The following MED12L variants were observed in gnomAD, a reference collection of about 807,000 sequenced individuals.
MED12L encodes the protein mediator of RNA polymerase II transcription subunit 12-like protein.
Under a neutral mutation model 281.3 loss-of-function variants are expected in MED12L, and 60 were observed. The ratio of observed to expected loss-of-function variants is 0.21; its 90% confidence interval spans 0.17 to 0.26. MED12L has a LOEUF of 0.26. MED12L is among the 10% of genes least tolerant of loss of function. The pLI is 1.00. For missense variants in MED12L, 2,146 were observed against 2,680.9 expected (o/e 0.80, Z 4.41); for synonymous variants, 974 against 987.2 (o/e 0.99, Z 0.25).
intron 11 of MED12L, among the ~76,000 whole-genome samples, chr3:151,169,144 G>GTC (rs1238942817): frequency 7.3e-6 from 1 of 137,010 alleles, no homozygotes; most frequent in Non-Finnish European, 1.5e-5. Context: ...TTGAGACGGA[G>GTC]TCTCTGTCTG....
chr3:151,240,580 A>G lies in MED12L; in HGVS notation c.2250+46914A>G, dbSNP rs183695838. Reference sequence around the variant, plus strand: ...AAAACAAAACAAAAGGTGTAGCTCAAGATCATGGCAGATTCAAATCTAGTT... The same window carrying G: ...AAAACAAAACAAAAGGTGTAGCTCAGGATCATGGCAGATTCAAATCTAGTT... On this transcript the variant is annotated intron_variant, in intron 16 of 44. Coordinates refer to ENST00000687756, the MANE Select transcript of MED12L (RefSeq NM_001393769.1). Among the ~76,000 whole-genome samples the G allele has an allele frequency of 1.1e-4, 17 of 152,360 alleles. No individual in the cohort carries two copies. In the East Asian group the frequency reaches 3.1e-3, roughly 28 times the overall value.
At chr3:151,343,496 G>C (rs1227572093) in intron 16 of MED12L, among the ~76,000 whole-genome samples, 1 of 152,182 alleles carries the variant, frequency 6.6e-6, no homozygotes, top group Non-Finnish European at 1.5e-5. Context: ...AAGACTGCCA[G>C]TTAGACCACT....
intron 16 of MED12L, among the ~76,000 whole-genome samples, chr3:151,280,632 A>T (rs1742657375): frequency 6.6e-6 from 1 of 152,048 alleles, no homozygotes; most frequent in South Asian, 2.1e-4. Context: ...GCTTGTGAGC[A>T]GTCAGCTTGT....
intron 16 of MED12L, among the ~76,000 whole-genome samples, chr3:151,236,421 T>G (rs770464836): frequency 6.6e-6 from 1 of 152,244 alleles, no homozygotes; most frequent in African/African-American, 2.4e-5. Context: ...TTATGCAGCA[T>G]TCAAGCAAGG....
intron 16 of MED12L, among the ~76,000 whole-genome samples, chr3:151,194,270 A>G (rs1204059289): frequency 6.6e-6 from 1 of 151,938 alleles, no homozygotes; most frequent in East Asian, 1.9e-4. Context: ...CCAGGCGTAA[A>G]TGTGTTCTAA....
At chr3:151,382,845 G>T (rs1044213374) in intron 33 of MED12L, 100 bp downstream of exon 33, 1 of 850,634 alleles carries the variant, frequency 1.2e-6, no homozygotes, top group Non-Finnish European at 1.9e-6. Flanking sequence ...TGCATTACAA[G>T]GTGAGGCCTT....
intron 16 of MED12L, among the ~76,000 whole-genome samples, chr3:151,252,803 T>C (rs34997694): frequency 0.28 from 42,832 of 151,964 alleles, 6,360 homozygotes; most frequent in Non-Finnish European, 0.33. Context: ...TTCTAGAACT[T>C]ATCTAGAAAA....
chr3:151,311,039 T>G (rs530048262), intron 16 of MED12L, among the ~76,000 whole-genome samples: 4 of 152,198 alleles, frequency 2.6e-5, no homozygotes, highest in Admixed American at 6.5e-5. Context: ...CAAGAAGTAG[T>G]GTACCATGAC....
chr3:151,159,964 C>A lies in MED12L; in HGVS notation c.970C>A (p.Pro324Thr). The A allele has an allele frequency of 1.2e-6, 2 of 1,614,208 alleles. No homozygotes were observed. Among genetic ancestry groups the A allele is most frequent in the Non-Finnish European group, 1.7e-6 (2 of 1,180,040 alleles). The stretch of plus-strand genomic sequence containing the variant: ...CCACTCACCCCACATGATGATAGGA[C>A]CAAACAACTCGAGTATCGGGGCCCC... ...AAHSPHMMIG[P>T]NNSSIGAPSP... is the part of the protein sequence containing the mutation. Residue 324 changes from proline to threonine, a missense_variant, in exon 8 of 45, where the codon CCA (proline) becomes ACA (threonine). By Grantham distance (38) the Pro-to-Thr change is conservative. Coordinates refer to ENST00000687756, the MANE Select transcript of MED12L (RefSeq NM_001393769.1).
intron 16 of MED12L, chr3:151,294,428 A>G: frequency 6.2e-7 from 1 of 1,614,216 alleles, no homozygotes; most frequent in African/African-American, 1.3e-5. Context: ...AGTAAAAGGA[A>G]TTCTGCACAA....
At position 151,242,292 on chromosome 3, in the gene MED12L, T is replaced by A. The variant is rs542480089; in HGVS notation, c.2250+48626T>A. Among the ~76,000 whole-genome samples, 259 of 152,360 alleles carry A rather than the reference T, an allele frequency of 1.7e-3. 2 individuals are homozygous for A. Among genetic ancestry groups the A allele is most frequent in the African/African-American group, 5.9e-3 (244 of 41,596 alleles). On this transcript the variant is annotated intron_variant, in intron 16 of 44. Coordinates refer to ENST00000687756, the MANE Select transcript of MED12L (RefSeq NM_001393769.1). ...CCACCACAGCTCAAGGAGGCCTGCC[T>A]GCCTCTCTAGGCTCCACCTCTGGGG... is the stretch of plus-strand genomic sequence containing the variant.
intron 16 of MED12L, among the ~76,000 whole-genome samples, chr3:151,346,930 C>T (rs1038916434): frequency 4.6e-5 from 7 of 152,158 alleles, no homozygotes; most frequent in African/African-American, 1.4e-4. Context: ...ATTTTTTATA[C>T]ATTGTAAATA....
chr3:151,128,024 G>T, intron 5 of MED12L, 40 bp downstream of exon 5: 1 of 1,560,260 alleles, frequency 6.4e-7, no homozygotes, highest in South Asian at 1.1e-5. Flanking sequence ...TTTCATTATT[G>T]ATTTTGCAAG....
rs1414030483 is a variant in MED12L at position 151,193,522 on chromosome 3, G to A, written c.2106G>A (p.Glu702=). The A allele has an allele frequency of 6.2e-7, 1 of 1,613,768 alleles. No individual in the cohort carries two copies. Among genetic ancestry groups the A allele is most frequent in the African/African-American group, 1.3e-5 (1 of 74,912 alleles). ...IFSPMPGESC[E]NANTSLGRRM... ...CTCCTATGCCTGGAGAATCCTGTGA[G>A]AATGCCAACACTTCGTTGGGCAGAA... The change falls in exon 16 of 45, where the codon GAG becomes GAA. Residue 702 remains glutamate, a synonymous_variant. Coordinates refer to ENST00000687756, the MANE Select transcript of MED12L (RefSeq NM_001393769.1).
intron 16 of MED12L, among the ~76,000 whole-genome samples, chr3:151,279,732 G>A (rs543281640): frequency 6.6e-6 from 1 of 152,294 alleles, no homozygotes; most frequent in Admixed American, 6.5e-5. Context: ...CTAGAGCCTG[G>A]TTATTACCAG....
intron 16 of MED12L, among the ~76,000 whole-genome samples, chr3:151,266,424 C>G (rs761873943): frequency 6.6e-6 from 1 of 152,148 alleles, no homozygotes; most frequent in Non-Finnish European, 1.5e-5. Context: ...TAGTGTTGAG[C>G]GAACGGACTT....
intron 16 of MED12L, among the ~76,000 whole-genome samples, chr3:151,203,906 TTGTC>T (rs1347411329): frequency 6.6e-6 from 1 of 152,210 alleles, no homozygotes; most frequent in East Asian, 1.9e-4. Context: ...TAATAAGTAT[TTGTC>T]TGTTTGACTC....
intron 16 of MED12L, among the ~76,000 whole-genome samples, chr3:151,309,879 A>C (rs1157683657): frequency 6.6e-6 from 1 of 152,174 alleles, no homozygotes. Flanking sequence ...GGCATATGTC[A>C]GTTTTTTGTT....
intron 8 of MED12L, among the ~76,000 whole-genome samples, chr3:151,163,159 C>T (rs900838140): frequency 3.9e-5 from 6 of 152,154 alleles, no homozygotes; most frequent in African/African-American, 1.2e-4. Flanking sequence ...GGGGATAACA[C>T]TACCTAGATC....
Sources: allele counts gnomAD v4.1 joint callset (sites outside exome capture counted in the v4.1 genomes callset), GRCh38; gene constraint gnomAD v4.1.1; transcripts MANE v1.5; gene names NCBI Gene and HGNC (gene_info 2026-07-23, HGNC 2026-07-21).